RBM47: variants seen among roughly 807,000 people sequenced by gnomAD.
RBM47 encodes the protein RNA-binding protein 47.
RBM47 carries 21 observed loss-of-function variants against 47.1 expected under a neutral mutation model. The observed-to-expected ratio is 0.45, with a 90% confidence interval of 0.32 to 0.64. RBM47 has a LOEUF of 0.64. Ranked by LOEUF, RBM47 falls within the 30% of genes least tolerant of loss-of-function variation. The pLI is 0.05. For synonymous variants in RBM47, 375 were observed against 361.7 expected (o/e 1.04, Z -0.42); for missense variants, 708 against 870.9 (o/e 0.81, Z 2.35).
At chr4:40,568,455 A>C (rs1281457884) in intron 1 of RBM47, among the ~76,000 whole-genome samples, 1 of 133,342 alleles carries the variant, frequency 7.5e-6, no homozygotes, top group East Asian at 2.1e-4. Flanking sequence ...AAAAAAAAAA[A>C]GGGTGGTCTC....
chr4:40,485,439 G>A (rs991699183), intron 2 of RBM47, among the ~76,000 whole-genome samples: 6 of 152,186 alleles, frequency 3.9e-5, no homozygotes, highest in Non-Finnish European at 5.9e-5. Context: ...TACCATGTTT[G>A]TTCCAGGATT....
intron 2 of RBM47, among the ~76,000 whole-genome samples, chr4:40,519,751 C>T (rs1475371170): frequency 6.9e-6 from 1 of 145,802 alleles, no homozygotes; most frequent in African/African-American, 2.5e-5. Flanking sequence ...CTCACTGCAA[C>T]CTCCATCTCC....
At chr4:40,550,622 T>A (rs1473370609) in intron 1 of RBM47, among the ~76,000 whole-genome samples, 2 of 152,098 alleles carry the variant, frequency 1.3e-5, no homozygotes, top group Non-Finnish European at 2.9e-5. Context: ...TTTCACCATG[T>A]GGGCCAGGCT....
At chr4:40,479,457 G>T (rs1401274764) in intron 2 of RBM47, among the ~76,000 whole-genome samples, 1 of 151,992 alleles carries the variant, frequency 6.6e-6, no homozygotes, top group African/African-American at 2.4e-5. Flanking sequence ...AAAAAAATTA[G>T]CAGGGCATGG....
At chr4:40,530,236 G>A (rs553509296) in intron 2 of RBM47, among the ~76,000 whole-genome samples, 7 of 151,332 alleles carry the variant, frequency 4.6e-5, no homozygotes, top group African/African-American at 1.7e-4. Flanking sequence ...ATGCCTGGAC[G>A]ATCATGAAGT....
chr4:40,494,963 C>G (rs980837390), intron 2 of RBM47, among the ~76,000 whole-genome samples: 19 of 151,976 alleles, frequency 1.3e-4, no homozygotes, highest in African/African-American at 4.6e-4. Flanking sequence ...ATTCCTTAAG[C>G]TATTTTTAAA....
intron 1 of RBM47, among the ~76,000 whole-genome samples, chr4:40,586,085 T>A (rs1013227867): frequency 6.6e-6 from 1 of 152,192 alleles, no homozygotes; most frequent in African/African-American, 2.4e-5. Context: ...CAGAAATCCA[T>A]AAGAGGGGAT....
At chr4:40,597,504 C>A (rs1397166155) in intron 1 of RBM47, among the ~76,000 whole-genome samples, 1 of 151,926 alleles carries the variant, frequency 6.6e-6, no homozygotes, top group Non-Finnish European at 1.5e-5. Flanking sequence ...ATGGCTTGAA[C>A]CCAGGAGGCG....
rs1730939286 is a variant in RBM47, at chr4:40,564,718, GT to G, written c.-239-20213del. On this transcript the variant is annotated intron_variant, in intron 1 of 6. Transcript: ENST00000295971. Reference sequence around the variant, plus strand: ...AAATCACTGTCTAGCTTTAAGAAAAGTTTATTTATGAGTTACTTTTTGAGAC... The same window carrying G: ...AAATCACTGTCTAGCTTTAAGAAAAGTTATTTATGAGTTACTTTTTGAGAC... Among the ~76,000 whole-genome samples the G allele has an allele frequency of 4.6e-5, 7 of 152,204 alleles. No homozygotes were observed. In the South Asian group the frequency reaches 1.4e-3, roughly 31 times the overall value.
intron 3 of RBM47, among the ~76,000 whole-genome samples, chr4:40,465,628 G>A (rs533114571): frequency 2.0e-3 from 302 of 151,900 alleles, no homozygotes; most frequent in Non-Finnish European, 3.1e-3. Flanking sequence ...GCAGTGAGCC[G>A]AGATCGTGCC....
At chr4:40,430,733 C>T (rs1310966212) in intron 6 of RBM47, among the ~76,000 whole-genome samples, 1 of 152,164 alleles carries the variant, frequency 6.6e-6, no homozygotes, top group Non-Finnish European at 1.5e-5. Context: ...AATATCAATT[C>T]TAGGACTCCA....
chr4:40,567,084 A>G (rs1731174787), intron 1 of RBM47, among the ~76,000 whole-genome samples: 1 of 151,990 alleles, frequency 6.6e-6, no homozygotes, highest in African/African-American at 2.4e-5. Flanking sequence ...TAAGGCTCAG[A>G]GAATATAAGT....
At chr4:40,444,198 C>T (rs563354023) in intron 3 of RBM47, among the ~76,000 whole-genome samples, 1 of 152,198 alleles carries the variant, frequency 6.6e-6, no homozygotes, top group Non-Finnish European at 1.5e-5. Context: ...GAACCTGTCT[C>T]AAAAACAACA....
In RBM47 at chr4:40,438,833, TGGCGGAGGACCCGGC is replaced by T. The variant is rs770840631; in HGVS notation, c.46_60del (p.Ala16_Ala20del). On this transcript the variant is annotated inframe_deletion, in exon 4 of 7. Coordinates refer to ENST00000295971, the MANE Select transcript of RBM47 (RefSeq NM_001098634.2). ...GCGCCCGCCACGCCCTCGGGCACCT[TGGCGGAGGACCCGGC>T]GGCCGAGTCACTGCTCATGGCTGCG... 4.5e-5 allele frequency: 70 copies of T among 1,558,512 alleles called. No individual in the cohort carries two copies. Among genetic ancestry groups the T allele is most frequent in the Admixed American group, 1.5e-4 (8 of 53,104 alleles).
At chr4:40,592,498 C>A (rs1308158999) in intron 1 of RBM47, among the ~76,000 whole-genome samples, 3 of 151,010 alleles carry the variant, frequency 2.0e-5, no homozygotes, top group Non-Finnish European at 4.4e-5. Context: ...GATCTCAGCT[C>A]ACCGCAACCT....
At chr4:40,471,332 G>A (rs1577718667) in intron 2 of RBM47, among the ~76,000 whole-genome samples, 3 of 152,208 alleles carry the variant, frequency 2.0e-5, no homozygotes, top group South Asian at 4.1e-4. Context: ...ACTCCCAGCT[G>A]GCTTCTCCCT....
rs747035320 is a variant in RBM47, at chr4:40,609,949, G to A, written c.-240+19447C>T. On this transcript the variant is annotated intron_variant, in intron 1 of 6. Transcript: ENST00000295971. Reference sequence around the variant, plus strand: ...CTCTACTAAAAATACAAAATTAGCCGGGTGTGGTGCCGCATGCCTGTAATC... The same window carrying A: ...CTCTACTAAAAATACAAAATTAGCCAGGTGTGGTGCCGCATGCCTGTAATC... Among the ~76,000 whole-genome samples, 5 of 151,904 alleles carry A rather than the reference G, an allele frequency of 3.3e-5. No individual in the cohort carries two copies. In the East Asian group the frequency reaches 5.9e-4, roughly 18 times the overall value.
chr4:40,500,317 C>G lies in RBM47; in HGVS notation c.-154-33618G>C, dbSNP rs139413730. Among the ~76,000 whole-genome samples, 675 of 149,924 alleles carry G rather than the reference C, an allele frequency of 4.5e-3. 6 individuals are homozygous for G. The highest frequency in any genetic ancestry group is 0.015 in the African/African-American group (628 of 40,806). On this transcript the variant is annotated intron_variant, in intron 2 of 6. Coordinates refer to ENST00000295971, the MANE Select transcript of RBM47 (RefSeq NM_001098634.2). ...GACAAGGGCCAGACTTCGTCCCCCCCCAAAAAAAAAAGGGCTGGACTCAGC... is the reference window on the plus strand; with the variant it reads ...GACAAGGGCCAGACTTCGTCCCCCCGCAAAAAAAAAAGGGCTGGACTCAGC...
intron 2 of RBM47, among the ~76,000 whole-genome samples, chr4:40,499,738 T>C (rs1370068775): frequency 6.6e-6 from 1 of 152,242 alleles, no homozygotes; most frequent in African/African-American, 2.4e-5. Context: ...TTAAGTTCTA[T>C]GACTCCTTGG....
Sources: allele counts gnomAD v4.1 joint callset (sites outside exome capture counted in the v4.1 genomes callset), GRCh38; gene constraint gnomAD v4.1.1; transcripts MANE v1.5; gene names NCBI Gene and HGNC (gene_info 2026-07-23, HGNC 2026-07-21).